RBFOX1: variants seen among roughly 807,000 people sequenced by gnomAD.
The protein encoded by RBFOX1 is RNA binding protein fox-1 homolog 1.
Under a neutral mutation model 57.7 loss-of-function variants are expected in RBFOX1, and 8 were observed. The ratio of observed to expected loss-of-function variants is 0.14; its 90% CI spans 0.08 to 0.25. The LOEUF is 0.25. Ranked by LOEUF, RBFOX1 falls within the 10% of genes least tolerant of loss-of-function variation. RBFOX1 has a pLI of 1.00. For missense variants in RBFOX1, 611 were observed against 548.5 expected (o/e 1.11, Z -1.14); for synonymous variants, 326 against 222.4 (o/e 1.47, Z -4.15).
intron 4 of RBFOX1, among the ~76,000 whole-genome samples, chr16:5,974,156 C>A (rs1390339294): frequency 6.6e-6 from 1 of 152,170 alleles, no homozygotes; most frequent in Non-Finnish European, 1.5e-5. Context: ...GGCCGTTGTT[C>A]TACCTCGGAT....
chr16:6,308,485 G>T (rs2079817235), intron 1 of RBFOX1, among the ~76,000 whole-genome samples: 1 of 152,220 alleles, frequency 6.6e-6, no homozygotes, highest in South Asian at 2.1e-4. Context: ...CTGGCTGTGT[G>T]TTGACTTGAC....
chr16:6,950,071 C>T lies in RBFOX1; in HGVS notation c.-15-101986C>T, dbSNP rs142476591. 4.8e-4 allele frequency among the ~76,000 whole-genome samples: 72 copies of T among 151,092 alleles called. No homozygotes were observed. The East Asian group carries it at 0.013, about 28-fold the overall frequency. On this transcript the variant is annotated intron_variant, in intron 3 of 15. Transcript: ENST00000550418. The stretch of plus-strand genomic sequence containing the variant: ...AAGTGATTGTCCTGCCTCAGCCTCC[C>T]GAGTAGCTAGGATTATAGGCATGCG...
At chr16:5,846,333 T>C (rs2151856086) in intron 3 of RBFOX1, among the ~76,000 whole-genome samples, 1 of 152,248 alleles carries the variant, frequency 6.6e-6, no homozygotes, top group Admixed American at 6.5e-5. Flanking sequence ...TTAAAGTCCA[T>C]TCTTAACACA....
At chr16:5,480,592 A>T (rs1014286104) in intron 2 of RBFOX1, among the ~76,000 whole-genome samples, 1 of 152,198 alleles carries the variant, frequency 6.6e-6, no homozygotes, top group Non-Finnish European at 1.5e-5. Flanking sequence ...TTAGTTCCCA[A>T]TGGCTTTCTT....
chr16:7,700,912 A>C (rs2080470453), intron 14 of RBFOX1, among the ~76,000 whole-genome samples: 1 of 152,156 alleles, frequency 6.6e-6, no homozygotes, highest in Admixed American at 6.5e-5. Context: ...AAATGGTCTG[A>C]GTCTTTTAGA....
At chr16:6,991,949 G>T (rs184303808) in intron 3 of RBFOX1, among the ~76,000 whole-genome samples, 17 of 152,288 alleles carry the variant, frequency 1.1e-4, no homozygotes, top group African/African-American at 3.9e-4. Flanking sequence ...GGTGGTGGGG[G>T]TGTCCCAGAT....
At chr16:6,137,820 G>C (rs1181299498) in intron 1 of RBFOX1, among the ~76,000 whole-genome samples, 1 of 151,750 alleles carries the variant, frequency 6.6e-6, no homozygotes, top group East Asian at 1.9e-4. Context: ...TGTTGTCCAG[G>C]CTGCTCTTGA....
chr16:7,167,072 G>A (rs1186182035), intron 4 of RBFOX1, among the ~76,000 whole-genome samples: 2 of 135,562 alleles, frequency 1.5e-5, no homozygotes, highest in Admixed American at 8.4e-5. Flanking sequence ...TGCAACCTCC[G>A]TCCCCTGGGT....
intron 3 of RBFOX1, chr16:6,704,043 C>G (rs1209614432): frequency 6.6e-6 from 1 of 152,438 alleles, no homozygotes; most frequent in African/African-American, 2.4e-5. Context: ...ATCTAATTCC[C>G]CCTCCTCCTC....
intron 4 of RBFOX1, among the ~76,000 whole-genome samples, chr16:7,341,529 C>A (rs919483798): frequency 6.6e-6 from 1 of 152,138 alleles, no homozygotes; most frequent in Admixed American, 6.6e-5. Flanking sequence ...GAAGATAGAA[C>A]TCTTGAGTCT....
intron 1 of RBFOX1, among the ~76,000 whole-genome samples, chr16:6,068,951 C>G (rs1303440918): frequency 1.3e-5 from 2 of 151,970 alleles, no homozygotes; most frequent in African/African-American, 2.4e-5. Context: ...GGCAAGACAG[C>G]TTTTCTTTTG....
chr16:6,496,798 A>G (rs1180441528), intron 2 of RBFOX1, among the ~76,000 whole-genome samples: 2 of 152,046 alleles, frequency 1.3e-5, no homozygotes, highest in Admixed American at 6.6e-5. Context: ...CATCTCTACT[A>G]AAAACACAAA....
At chr16:7,158,731 G>C (rs952798567) in intron 4 of RBFOX1, among the ~76,000 whole-genome samples, 8 of 151,868 alleles carry the variant, frequency 5.3e-5, no homozygotes, top group African/African-American at 1.9e-4. Flanking sequence ...CATCTGTTTG[G>C]TGTGTGTTGT....
chr16:7,028,495 G>A (rs537340571), intron 3 of RBFOX1, among the ~76,000 whole-genome samples: 4 of 151,368 alleles, frequency 2.6e-5, no homozygotes, highest in African/African-American at 9.7e-5. Context: ...GCTGAGGCAG[G>A]AGAATCGCTT....
intron 4 of RBFOX1, among the ~76,000 whole-genome samples, chr16:7,129,961 C>G (rs964895068): frequency 6.6e-6 from 1 of 151,824 alleles, no homozygotes. Flanking sequence ...CATTTGCCAG[C>G]AATACCAAAT....
At chr16:5,422,433 AGTAT>A (rs2067363525) in intron 1 of RBFOX1, among the ~76,000 whole-genome samples, 1 of 118,156 alleles carries the variant, frequency 8.5e-6, no homozygotes, top group Middle Eastern at 4.3e-3. Flanking sequence ...AGGGAGAGGG[AGTAT>A]GATGGAGAGG....
intron 2 of RBFOX1, among the ~76,000 whole-genome samples, chr16:5,584,546 C>G (rs1262415021): frequency 6.6e-6 from 1 of 152,180 alleles, no homozygotes; most frequent in Admixed American, 6.5e-5. Flanking sequence ...CAAGGGTAGG[C>G]TGGCTTTTTT....
chr16:5,448,774 T>C (rs572371684), intron 1 of RBFOX1, among the ~76,000 whole-genome samples: 5 of 152,356 alleles, frequency 3.3e-5, no homozygotes, highest in Non-Finnish European at 7.4e-5. Context: ...AGATAGTTTT[T>C]TGAGCACAAA....
At chr16:6,100,648 C>T (rs1349065057) in intron 1 of RBFOX1, among the ~76,000 whole-genome samples, 1 of 152,210 alleles carries the variant, frequency 6.6e-6, no homozygotes, top group Non-Finnish European at 1.5e-5. Context: ...AGGGTCCATA[C>T]TTTCCATACA....
Sources: gnomAD v4.1 joint callset for allele counts (sites outside exome capture counted in the v4.1 genomes callset) on GRCh38, gnomAD v4.1.1 for gene constraint, MANE v1.5 for transcripts, NCBI Gene and HGNC (gene_info 2026-07-23, HGNC 2026-07-21) for gene names.